PCDH11X: variants seen among roughly 807,000 people sequenced by gnomAD.
The protein encoded by PCDH11X is protocadherin 11 X-linked.
PCDH11X carries 18 observed loss-of-function variants against 53.3 expected under a neutral mutation model. That is an observed-to-expected ratio of 0.34 (90% CI 0.23 to 0.50). The LOEUF is 0.50. PCDH11X is among the 20% of genes least tolerant of loss of function. The pLI is 0.98. For synonymous variants in PCDH11X, 279 were observed against 393.3 expected (o/e 0.71, Z 3.44); for missense variants, 570 against 1,032.4 (o/e 0.55, Z 6.14).
intron 7 of PCDH11X, among the ~76,000 whole-genome samples, chrX:92,210,236 T>G (rs1320065039): frequency 7.1e-5 from 5 of 70,743 alleles, no homozygotes; most frequent in Non-Finnish European, 1.0e-4. Context: ...TGGGCTTTTT[T>G]TTTTTTTTTT....
At chrX:92,446,136 G>C (rs1002635363) in intron 9 of PCDH11X, among the ~76,000 whole-genome samples, 1 of 96,529 alleles carries the variant, frequency 1.0e-5, no homozygotes, top group African/African-American at 4.3e-5. Flanking sequence ...CTTCTTCAAG[G>C]CATCACAAAG....
At chrX:92,611,278 C>T (rs1927351022) in intron 10 of PCDH11X, among the ~76,000 whole-genome samples, 1 of 109,947 alleles carries the variant, frequency 9.1e-6, no homozygotes, top group African/African-American at 3.3e-5. Context: ...TTTCTTTTAG[C>T]AGTGTTTTGT....
At chrX:92,417,820 A>ACT in intron 9 of PCDH11X, among the ~76,000 whole-genome samples, 1 of 67,541 alleles carries the variant, frequency 1.5e-5, no homozygotes, top group African/African-American at 5.9e-5. Context: ...CTTTTCTTCC[A>ACT]TTTTTTTTTT....
chrX:92,047,076 A>C lies in PCDH11X; in HGVS notation c.3034-154299A>C, dbSNP rs1388013264. On this transcript the variant is annotated intron_variant, in intron 6 of 10. Coordinates refer to ENST00000682573, the MANE Select transcript of PCDH11X (RefSeq NM_032968.5). ...CAAAAGGGGCAAAGAGCAATGGTTTATTTTCTCTTTAGGATATATCTTGAG... is the reference window on the plus strand; with the variant it reads ...CAAAAGGGGCAAAGAGCAATGGTTTCTTTTCTCTTTAGGATATATCTTGAG... 5.0e-5 allele frequency among the ~76,000 whole-genome samples: 4 copies of C among 79,937 alleles called. No homozygotes were observed. The Admixed American group carries it at 5.1e-4, about 10-fold the overall frequency. 69.4% of individuals were successfully genotyped at this position (79,937 alleles called of 115,157 possible). A position where few individuals can be genotyped will look rare whatever the true frequency, so the allele number is the denominator to read the frequency against.
At chrX:92,170,169 A>T in intron 6 of PCDH11X, among the ~76,000 whole-genome samples, 1 of 111,393 alleles carries the variant, frequency 9.0e-6, no homozygotes, top group Middle Eastern at 4.6e-3. Context: ...TGAAAGTTGT[A>T]TTTTTAATCT....
intron 8 of PCDH11X, among the ~76,000 whole-genome samples, chrX:92,301,747 T>TTTTTTTTTTGAGACG (rs1569459128): frequency 2.7e-5 from 3 of 110,379 alleles, no homozygotes; most frequent in African/African-American, 1.0e-4. Flanking sequence ...GTGTTGTCTT[T>TTTTTTTTTTGAGACG]GCCTGGTTCT....
At position 92,348,517 on chromosome X, in the gene PCDH11X, T is replaced by C. The variant is rs5984176; in HGVS notation, c.3145-39218T>C. Among the ~76,000 whole-genome samples the C allele has an allele frequency of 7.4e-4, 22 of 29,864 alleles. No homozygotes were observed. In the East Asian group the frequency reaches 0.011, roughly 15 times the overall value. 25.9% of individuals were successfully genotyped at this position (29,864 alleles called of 115,157 possible). A position where few individuals can be genotyped will look rare whatever the true frequency, so the allele number is the denominator to read the frequency against. On this transcript the variant is annotated intron_variant, in intron 8 of 10. Transcript: ENST00000682573. ...AATCAAACATCAAAATTATCATTAT[T>C]ATTATTATTATTATTATTATTATTA...
At chrX:92,558,162 T>A (rs1399431247) in intron 10 of PCDH11X, among the ~76,000 whole-genome samples, 1 of 109,872 alleles carries the variant, frequency 9.1e-6, no homozygotes, top group Non-Finnish European at 1.9e-5. Flanking sequence ...CCAAACCATA[T>A]CAACACATAA....
At chrX:92,549,109 TACTC>T (rs1182435712) in intron 10 of PCDH11X, among the ~76,000 whole-genome samples, 2 of 87,090 alleles carry the variant, frequency 2.3e-5, no homozygotes, top group East Asian at 6.8e-4. Context: ...AACTCCAAAA[TACTC>T]TCTTTCAGTA....
intron 8 of PCDH11X, among the ~76,000 whole-genome samples, chrX:92,287,594 G>A (rs1237945194): frequency 8.9e-6 from 1 of 111,901 alleles, no homozygotes; most frequent in Non-Finnish European, 1.9e-5. Context: ...TGTCCTGTAC[G>A]ATCCAGCATT....
intron 6 of PCDH11X, among the ~76,000 whole-genome samples, chrX:92,045,737 C>A (rs1450417387): frequency 2.8e-5 from 3 of 106,666 alleles, no homozygotes; most frequent in African/African-American, 1.0e-4. Context: ...GTCAGGAGAT[C>A]GAGACCAGCC....
chrX:92,440,792 GA>G (rs1165724203), intron 9 of PCDH11X, among the ~76,000 whole-genome samples: 43 of 110,432 alleles, frequency 3.9e-4, no homozygotes, highest in Admixed American at 3.1e-3. Context: ...GGGTGCTGCT[GA>G]AAAGATACCC....
chrX:92,466,817 A>G (rs1338036187), intron 9 of PCDH11X, among the ~76,000 whole-genome samples: 2 of 109,775 alleles, frequency 1.8e-5, no homozygotes, highest in African/African-American at 3.3e-5. Context: ...TTAGTTACCA[A>G]ATTAGAAAGG....
chrX:92,434,753 T>A (rs979052251), intron 9 of PCDH11X, among the ~76,000 whole-genome samples: 1 of 108,631 alleles, frequency 9.2e-6, no homozygotes, highest in African/African-American at 3.4e-5. Flanking sequence ...AAGACATACC[T>A]GAGACTGGGG....
intron 7 of PCDH11X, among the ~76,000 whole-genome samples, chrX:92,233,147 C>G (rs1202961676): frequency 1.8e-5 from 2 of 110,870 alleles, no homozygotes; most frequent in African/African-American, 6.5e-5. Flanking sequence ...CGATTGTACT[C>G]TTAGGTAATA....
In PCDH11X at chrX:91,835,498, A is replaced by G. The variant is rs777992057; in HGVS notation, c.-7A>G. 2 of 1,209,047 alleles carry G rather than the reference A, an allele frequency of 1.7e-6. No homozygotes were observed. Among genetic ancestry groups the G allele is most frequent in the Non-Finnish European group, 2.2e-6 (2 of 895,063 alleles). ...TAATACAACAAACTGTAACAAGTGT[A>G]CCTGGTATGGACTTGTTGTCCGGGA... On this transcript the variant is annotated 5_prime_UTR_variant, in exon 5 of 11. Coordinates refer to ENST00000682573, the MANE Select transcript of PCDH11X (RefSeq NM_032968.5).
intron 10 of PCDH11X, among the ~76,000 whole-genome samples, chrX:92,599,014 TAG>T (rs917548609): frequency 2.7e-5 from 3 of 110,762 alleles, no homozygotes; most frequent in African/African-American, 9.8e-5. Context: ...AGATAGAGTG[TAG>T]GATATGATTA....
intron 4 of PCDH11X, among the ~76,000 whole-genome samples, chrX:91,829,413 T>TACACAC (rs756637346): frequency 9.7e-4 from 79 of 81,180 alleles, no homozygotes; most frequent in Middle Eastern, 6.4e-3. Flanking sequence ...ATATATATAT[T>TACACAC]ACACACACAC....
At chrX:91,818,735 A>T (rs949018668) in intron 4 of PCDH11X, among the ~76,000 whole-genome samples, 3 of 110,059 alleles carry the variant, frequency 2.7e-5, no homozygotes, top group Non-Finnish European at 3.8e-5. Context: ...GAAGGCAATG[A>T]AAGTTCTATT....
Sources: gnomAD v4.1 joint callset for allele counts (sites outside exome capture counted in the v4.1 genomes callset) on GRCh38, gnomAD v4.1.1 for gene constraint, MANE v1.5 for transcripts, NCBI Gene and HGNC (gene_info 2026-07-23, HGNC 2026-07-21) for gene names.